Variants in TOP3B observed in about 807,000 individuals in gnomAD.
TOP3B encodes DNA topoisomerase III beta, also known as DNA topoisomerase 3-beta-1.
TOP3B carries 45 observed loss-of-function variants against 93.9 expected under a neutral mutation model. That is an observed-to-expected ratio of 0.48 (90% confidence interval 0.38 to 0.61). The LOEUF is 0.61. Ranked by LOEUF, TOP3B falls within the 20% of genes least tolerant of loss-of-function variation. The probability of loss-of-function intolerance (pLI) is 0.00; values close to 1 mark genes in which losing one functional copy is unlikely to be tolerated. For synonymous variants in TOP3B, 357 were observed against 472.6 expected, an observed-to-expected ratio of 0.76 and a Z score of 3.17; for missense variants, 750 against 1,156.1, an observed-to-expected ratio of 0.65 and a Z score of 5.09.
intron 8 of TOP3B, chr22:21,966,469 G>A (rs2071418883): frequency 6.6e-6 from 1 of 152,220 alleles, no homozygotes. Flanking sequence ...GCACCTGCTA[G>A]TATTGCTACC....
intron 1 of TOP3B, among the ~76,000 whole-genome samples, chr22:21,978,487 A>G (rs912577775): frequency 6.6e-6 from 1 of 152,104 alleles, no homozygotes; most frequent in Non-Finnish European, 1.5e-5. Context: ...CTGATGTGGG[A>G]CTTCAGGTGT....
Position 21,960,255 on chromosome 22 carries a change from G to C in TOP3B, c.1654+66C>G, listed in dbSNP as rs898121835. On this transcript the variant is annotated intron_variant, in intron 14 of 17. Transcript: ENST00000357179. Reference sequence around the variant, plus strand: ...AGGGGCCTGTCTGGAGCGGGCAGCAGAGCCAACATCCAGGGAGAAGCCAGG... The same window carrying C: ...AGGGGCCTGTCTGGAGCGGGCAGCACAGCCAACATCCAGGGAGAAGCCAGG... 24 of 1,608,002 alleles carry C rather than the reference G, an allele frequency of 1.5e-5. No individual in the cohort carries two copies. In the African/African-American group the frequency reaches 2.5e-4, roughly 17 times the overall value.
In TOP3B at chr22:21,974,558, C is replaced by T. The variant is rs374939854; in HGVS notation, c.71-70G>A. The T allele has an allele frequency of 6.5e-4, 961 of 1,483,900 alleles. 10 individuals carry two copies. In the Middle Eastern group the frequency reaches 0.01, roughly 16 times the overall value. 91.9% of individuals were successfully genotyped at this position (1,483,900 alleles called of 1,614,324 possible). ...TGAAGACCCTGTGGAGACCCCAGCC[C>T]GGATGCCACCTCCCAGAGGGCCAGA... On this transcript the variant is annotated intron_variant, in intron 2 of 17. Coordinates refer to ENST00000357179, the MANE Select transcript of TOP3B (RefSeq NM_001282112.2).
At chr22:21,962,040 G>A in intron 13 of TOP3B, 1 of 1,022,888 alleles carries the variant, frequency 9.8e-7, no homozygotes, top group Non-Finnish European at 1.3e-6. Flanking sequence ...GCTCCTGTGA[G>A]ATCTCATTTC....
At chr22:21,960,744 T>G (rs2071141292) in intron 13 of TOP3B, 1 of 386,496 alleles carries the variant, frequency 2.6e-6, no homozygotes, top group South Asian at 3.2e-5. Context: ...GTCACAGTGC[T>G]TATTCTGCGC....
chr22:21,981,297 A>G (rs1423966299), intron 1 of TOP3B, among the ~76,000 whole-genome samples: 1 of 152,152 alleles, frequency 6.6e-6, no homozygotes, highest in Non-Finnish European at 1.5e-5. Context: ...GGGGTCAGAG[A>G]GACCAGAGCT....
At chr22:21,976,300 T>C (rs1266382789) in intron 1 of TOP3B, 1 of 152,390 alleles carries the variant, frequency 6.6e-6, no homozygotes, top group African/African-American at 2.4e-5. Context: ...CCCCAGGTCC[T>C]TCTGATCCAT....
intron 11 of TOP3B, 86 bp from the exon 12 acceptor site, chr22:21,962,979 G>A (rs1473700470): frequency 2.6e-6 from 4 of 1,526,198 alleles, no homozygotes; most frequent in Non-Finnish European, 1.8e-6. Context: ...CGAGCAGCAA[G>A]CTCCTGCTTA....
chr22:21,964,320 G>A lies in TOP3B; in HGVS notation c.944-5C>T, dbSNP rs749310888. 8 of 1,613,032 alleles carry A rather than the reference G, an allele frequency of 5.0e-6. No homozygotes were observed. The highest frequency in any genetic ancestry group is 1.1e-5 in the South Asian group (1 of 91,064). On this transcript the variant is annotated splice_region_variant and splice_polypyrimidine_tract_variant and intron_variant, in intron 9 of 17. Transcript: ENST00000357179. Reference sequence around the variant, plus strand: ...TGGCGTGCTGCGGCCCCATGCCTGCGAGAGACAGGAGGTTCTCAGAGGGCC... The same window carrying A: ...TGGCGTGCTGCGGCCCCATGCCTGCAAGAGACAGGAGGTTCTCAGAGGGCC...
At chr22:21,967,313 C>T (rs1601835945) in intron 8 of TOP3B, 2 of 366,600 alleles carry the variant, frequency 5.5e-6, no homozygotes, top group East Asian at 5.4e-5. Flanking sequence ...GGAGGTAATG[C>T]CTAGCGGGTC....
At chr22:21,977,829 A>G (rs2071943865) in intron 1 of TOP3B, among the ~76,000 whole-genome samples, 1 of 152,158 alleles carries the variant, frequency 6.6e-6, no homozygotes, top group African/African-American at 2.4e-5. Flanking sequence ...TACCTACTGC[A>G]TGCTTGGCCT....
intron 1 of TOP3B, among the ~76,000 whole-genome samples, chr22:21,978,090 A>G (rs1465419807): frequency 1.3e-5 from 2 of 152,028 alleles, no homozygotes; most frequent in African/African-American, 4.8e-5. Context: ...GAGGCAGCAG[A>G]GGGTTTGCAT....
rs754158047 is a variant in TOP3B, at chr22:21,959,126, A to T, written c.1905+6T>A. On this transcript the variant is annotated splice_donor_region_variant and intron_variant, in intron 16 of 17. Coordinates refer to ENST00000357179, the MANE Select transcript of TOP3B (RefSeq NM_001282112.2). ...GCTTGCCTGAGCTAGTGTTCCCTGC[A>T]CCTACCTGGATGTACTTCATGAAGC... 2 of 1,613,670 alleles carry T rather than the reference A, an allele frequency of 1.2e-6. No homozygotes were observed. Among genetic ancestry groups the T allele is most frequent in the Non-Finnish European group, 1.7e-6 (2 of 1,179,942 alleles).
chr22:21,980,475 G>C (rs186041975), intron 1 of TOP3B, among the ~76,000 whole-genome samples: 139 of 152,300 alleles, frequency 9.1e-4, no homozygotes, highest in African/African-American at 3.1e-3. Flanking sequence ...TGTCAACCTT[G>C]TTCCCCACTT....
Position 21,982,716 on chromosome 22 carries a change from A to G in TOP3B, c.-99+14T>C, listed in dbSNP as rs1248318031. On this transcript the variant is annotated intron_variant, in intron 1 of 17. Coordinates refer to ENST00000357179, the MANE Select transcript of TOP3B (RefSeq NM_001282112.2). The stretch of plus-strand genomic sequence containing the variant: ...CTGAGCCGCCGGGCGAGGGTCCCGC[A>G]GCCCGCCGCTCACCCACAGCCGCAC... 1 of 152,250 alleles carries G rather than the reference A, an allele frequency of 6.6e-6. No homozygotes were observed. Among genetic ancestry groups the G allele is most frequent in the Non-Finnish European group, 1.5e-5 (1 of 68,044 alleles). The allele number at this position is 152,250 out of a possible 1,614,324, so 9.4% of individuals were successfully genotyped here.
In TOP3B at chr22:21,971,084, G is replaced by C. The variant is rs927435993; in HGVS notation, c.385-678C>G. On this transcript the variant is annotated intron_variant, in intron 5 of 17. Coordinates refer to ENST00000357179, the MANE Select transcript of TOP3B (RefSeq NM_001282112.2). This position sits in a 1 kb window ranked among gnomAD's most constrained non-coding sequence, Gnocchi z 4.6. Reference sequence around the variant, plus strand: ...TTTCTGAAGGGAGAAAGCCCCATGAGCTGCCCCCATTCTCCATTCCCAGAT... The same window carrying C: ...TTTCTGAAGGGAGAAAGCCCCATGACCTGCCCCCATTCTCCATTCCCAGAT... The C allele has an allele frequency of 7.7e-7, 1 of 1,300,134 alleles. No individual in the cohort carries two copies. Among genetic ancestry groups the C allele is most frequent in the African/African-American group, 1.5e-5 (1 of 65,730 alleles). 80.5% of individuals were successfully genotyped at this position (1,300,134 alleles called of 1,614,324 possible).
chr22:21,967,802 T>C lies in TOP3B; in HGVS notation c.739-86A>G, dbSNP rs931980972. The C allele has an allele frequency of 9.9e-5, 107 of 1,083,100 alleles. 1 individual carries two copies. Among genetic ancestry groups the C allele is most frequent in the South Asian group, 1.7e-4 (13 of 78,254 alleles). 67.1% of individuals were successfully genotyped at this position (1,083,100 alleles called of 1,614,324 possible). A position where few individuals can be genotyped will look rare whatever the true frequency, so the allele number is the denominator to read the frequency against. On this transcript the variant is annotated intron_variant, in intron 7 of 17. Transcript: ENST00000357179. ...CAGGAAGAACCAGGACAGATGAAGC[T>C]GGTCCTTGTCTGGGAGCCAAATAGC...
At chr22:21,966,042 C>A (rs1051626224) in intron 8 of TOP3B, 1 of 152,200 alleles carries the variant, frequency 6.6e-6, no homozygotes, top group Non-Finnish European at 1.5e-5. Context: ...CAGGCACACA[C>A]CATCATGTCT....
rs1569146426 is a variant in TOP3B at position 21,964,108 on chromosome 22, C to CCCAAGG, written c.1098+47_1098+52dup. On this transcript the variant is annotated intron_variant, in intron 10 of 17. Coordinates refer to ENST00000357179, the MANE Select transcript of TOP3B (RefSeq NM_001282112.2). Reference sequence around the variant, plus strand: ...GTTTGGCTGACGTACCAGACCTGGTCCCAAGGCCTCAGTGACACACACACA... The same window carrying CCCAAGG: ...GTTTGGCTGACGTACCAGACCTGGTCCCAAGGCCAAGGCCTCAGTGACACACACACA... The CCCAAGG allele has an allele frequency of 1.9e-6, 3 of 1,610,886 alleles. No individual in the cohort carries two copies. The Admixed American group carries it at 5.0e-5, about 27-fold the overall frequency.
Sources: allele counts gnomAD v4.1 joint callset (sites outside exome capture counted in the v4.1 genomes callset), GRCh38; gene constraint gnomAD v4.1.1; non-coding constraint Gnocchi (gnomAD v3.1); transcripts MANE v1.5; gene names NCBI Gene and HGNC (gene_info 2026-07-23, HGNC 2026-07-21).